Variants in CCDC50 observed in about 807,000 individuals in gnomAD.
CCDC50 encodes the protein coiled-coil domain-containing protein 50.
In CCDC50, 54 loss-of-function variants were observed where a neutral mutation model predicts 70.2. The ratio of observed to expected loss-of-function variants is 0.77; its 90% CI spans 0.62 to 0.96. CCDC50 has a LOEUF of 0.96. Ranked by LOEUF, CCDC50 falls within the 50% of genes least tolerant of loss-of-function variation. The probability of loss-of-function intolerance (pLI) is 0.00; values close to 1 mark genes in which losing one functional copy is unlikely to be tolerated. For synonymous variants in CCDC50, 216 were observed against 198.8 expected (o/e 1.09, Z -0.73); for missense variants, 558 against 578.7 (o/e 0.96, Z 0.37).
chr3:191,349,966 A>AACAC (rs1712048855), intron 1 of CCDC50, among the ~76,000 whole-genome samples: 1 of 105,622 alleles, frequency 9.5e-6, no homozygotes, highest in African/African-American at 3.1e-5. Flanking sequence ...ATTTAATAAT[A>AACAC]CCCCCCCCCT....
Position 191,375,436 on chromosome 3 carries a change from C to T in CCDC50, c.823C>T (p.Leu275Phe). 1 of 1,613,800 alleles carries T rather than the reference C, an allele frequency of 6.2e-7. No homozygotes were observed. The change falls in exon 6 of 12, where the codon CTT becomes TTT. Residue 275 changes from leucine (L) to phenylalanine (F), a missense_variant. By Grantham distance (22) the Leu-to-Phe change is conservative (BLOSUM62 0). Transcript: ENST00000392455. ...WEKQSRHQDR[L>F]SPKSSQKAGL... is the part of the protein sequence containing the mutation. ...AAAACAGTCTCGACACCAAGATCGA[C>T]TTTCACCCAAGTCCTCACAAAAAGC...
In CCDC50 at chr3:191,394,042, A is replaced by G. The variant is rs1713781160; in HGVS notation, c.*2282A>G. ...CAGTTATTTATTATTGTAAAATGTT[A>G]ACTGGAGATACTGCATTCAAAAAAA... On this transcript the variant is annotated 3_prime_UTR_variant, in exon 12 of 12. Transcript: ENST00000392455. The G allele has an allele frequency of 6.6e-6, 1 of 152,080 alleles. No homozygotes were observed. Among genetic ancestry groups the G allele is most frequent in the Non-Finnish European group, 1.5e-5 (1 of 67,992 alleles). The allele number at this position is 152,080 out of a possible 1,614,324, so 9.4% of individuals were successfully genotyped here. A position where few individuals can be genotyped will look rare whatever the true frequency, so the allele number is the denominator to read the frequency against.
In CCDC50 at chr3:191,329,811, C is replaced by T. The variant is rs1717889323; in HGVS notation, c.49+88C>T. 2.8e-6 allele frequency: 4 copies of T among 1,408,006 alleles called. No individual in the cohort carries two copies. In the Admixed American group the frequency reaches 6.1e-5, roughly 22 times the overall value. The allele number at this position is 1,408,006 out of a possible 1,614,324, so 87.2% of individuals were successfully genotyped here. ...GTCAGGGGCGTTGCCATTTCGGCTC[C>T]CGCGGCCCTCGCCCGGTGCCCGCCC... On this transcript the variant is annotated intron_variant, in intron 1 of 11. Transcript: ENST00000392455.
chr3:191,389,853 C>T (rs1316084226), intron 11 of CCDC50, among the ~76,000 whole-genome samples: 7 of 84,644 alleles, frequency 8.3e-5, no homozygotes, highest in East Asian at 4.2e-4. Flanking sequence ...ATCAAATTCA[C>T]TTTTTTTTTT....
rs1713878969 is a variant in CCDC50 at position 191,396,896 on chromosome 3, A to G, written c.*5136A>G. ...TTCTCTTTCCCTTATATATATAAAT[A>G]TGTGAACACTGCCTAGTAACATTTT... On this transcript the variant is annotated 3_prime_UTR_variant, in exon 12 of 12. Transcript: ENST00000392455. The G allele has an allele frequency of 6.6e-6, 1 of 152,242 alleles. No homozygotes were observed. The highest frequency in any genetic ancestry group is 1.5e-5 in the Non-Finnish European group (1 of 68,038). The allele number at this position is 152,242 out of a possible 1,614,324, so 9.4% of individuals were successfully genotyped here. A position where few individuals can be genotyped will look rare whatever the true frequency, so the allele number is the denominator to read the frequency against.
chr3:191,378,735 TTTTGTTTG>T (rs1040958095), intron 6 of CCDC50, among the ~76,000 whole-genome samples: 13 of 151,556 alleles, frequency 8.6e-5, no homozygotes, highest in Non-Finnish European at 1.0e-4. Context: ...GCCACTGTTT[TTTTGTTTG>T]TTTGTTTGTT....
At chr3:191,360,546 A>G (rs1392307039) in intron 3 of CCDC50, among the ~76,000 whole-genome samples, 1 of 152,234 alleles carries the variant, frequency 6.6e-6, no homozygotes, top group Non-Finnish European at 1.5e-5. Context: ...TAATTATTAC[A>G]ATGAGTGAAG....
Position 191,375,416 on chromosome 3 carries a change from A to G in CCDC50, c.803A>G (p.Gln268Arg), listed in dbSNP as rs771540107. The G allele has an allele frequency of 1.9e-6, 3 of 1,613,740 alleles. No individual in the cohort carries two copies. The highest frequency in any genetic ancestry group is 2.5e-6 in the Non-Finnish European group (3 of 1,179,872). ...INHQTRNWEK[Q>R]SRHQDRLSPK... ...CATCAGACTCGAAATTGGGAAAAAC[A>G]GTCTCGACACCAAGATCGACTTTCA... The change falls in exon 6 of 12, where the codon CAG (glutamine) becomes CGG (arginine). Residue 268 changes from glutamine to arginine, a missense_variant. By Grantham distance (43) the Gln-to-Arg change is conservative. Transcript: ENST00000392455.
intron 4 of CCDC50, among the ~76,000 whole-genome samples, chr3:191,364,377 T>G (rs1306569293): frequency 6.6e-6 from 1 of 151,910 alleles, no homozygotes; most frequent in Non-Finnish European, 1.5e-5. Flanking sequence ...TCCTTTTTTT[T>G]TTTTTCCCCT....
At chr3:191,335,684 A>G (rs559320837) in intron 1 of CCDC50, among the ~76,000 whole-genome samples, 1 of 152,216 alleles carries the variant, frequency 6.6e-6, no homozygotes, top group Non-Finnish European at 1.5e-5. Context: ...GAAAAAGGAA[A>G]AAAAACAAAG....
Position 191,329,639 on chromosome 3 carries a change from C to T in CCDC50, c.-36C>T, listed in dbSNP as rs1576942144. On this transcript the variant is annotated 5_prime_UTR_variant, in exon 1 of 12. Coordinates refer to ENST00000392455, the MANE Select transcript of CCDC50 (RefSeq NM_178335.3). ...CTCGGCGCCGGCGGTGACCGGGAAGCCCGCGTTAAAGGGGCAACCGGGACC... is the reference window on the plus strand; with the variant it reads ...CTCGGCGCCGGCGGTGACCGGGAAGTCCGCGTTAAAGGGGCAACCGGGACC... 5 of 1,595,024 alleles carry T rather than the reference C, an allele frequency of 3.1e-6. No individual in the cohort carries two copies. Among genetic ancestry groups the T allele is most frequent in the East Asian group, 4.6e-5 (2 of 43,896 alleles).
intron 10 of CCDC50, among the ~76,000 whole-genome samples, chr3:191,384,711 T>TG (rs991674904): frequency 3.0e-4 from 16 of 52,734 alleles, no homozygotes; most frequent in African/African-American, 6.2e-4. Flanking sequence ...CATGTGTAGG[T>TG]TTTTTTTACA....
intron 1 of CCDC50, among the ~76,000 whole-genome samples, chr3:191,335,626 CACAT>C (rs1357363870): frequency 6.6e-6 from 1 of 151,972 alleles, no homozygotes; most frequent in Non-Finnish European, 1.5e-5. Context: ...AAAGCATACA[CACAT>C]ACATTAAGTG....
At chr3:191,343,891 A>G (rs949263421) in intron 1 of CCDC50, among the ~76,000 whole-genome samples, 1 of 152,234 alleles carries the variant, frequency 6.6e-6, no homozygotes, top group Non-Finnish European at 1.5e-5. Flanking sequence ...CTTTCTAATC[A>G]GAAATTTGTT....
intron 1 of CCDC50, among the ~76,000 whole-genome samples, chr3:191,349,170 G>A (rs1712023714): frequency 7.1e-6 from 1 of 141,210 alleles, no homozygotes; most frequent in Admixed American, 7.3e-5. Flanking sequence ...TATAAAGATT[G>A]CTGGGGTTGA....
At chr3:191,385,234 C>T (rs577686484) in intron 10 of CCDC50, among the ~76,000 whole-genome samples, 6 of 152,268 alleles carry the variant, frequency 3.9e-5, no homozygotes, top group African/African-American at 1.2e-4. Flanking sequence ...TGAGAAGTCT[C>T]CAAACCGCTT....
At chr3:191,354,741 T>A (rs60204557) in intron 1 of CCDC50, among the ~76,000 whole-genome samples, 11,266 of 152,182 alleles carry the variant, frequency 0.074, 548 homozygotes, top group East Asian at 0.24. Flanking sequence ...TTTATACTAG[T>A]CCCTTCGTAT....
intron 6 of CCDC50, among the ~76,000 whole-genome samples, chr3:191,376,916 C>T (rs1031766517): frequency 3.7e-4 from 57 of 152,168 alleles, no homozygotes; most frequent in African/African-American, 1.3e-3. Flanking sequence ...GTTTCTGCTT[C>T]TGTGAATCTG....
At chr3:191,345,287 G>T (rs1366743696) in intron 1 of CCDC50, among the ~76,000 whole-genome samples, 1 of 152,198 alleles carries the variant, frequency 6.6e-6, no homozygotes, top group Non-Finnish European at 1.5e-5. Context: ...CTTTAACACA[G>T]GAAGCTTATG....
Sources: gnomAD v4.1 joint callset for allele counts (sites outside exome capture counted in the v4.1 genomes callset) on GRCh38, gnomAD v4.1.1 for gene constraint, MANE v1.5 for transcripts, NCBI Gene and HGNC (gene_info 2026-07-23, HGNC 2026-07-21) for gene names.